Variants in MTUS2 observed in about 807,000 individuals in gnomAD.
The protein encoded by MTUS2 is microtubule-associated tumor suppressor candidate 2.
In MTUS2, 40 loss-of-function variants were observed where a neutral mutation model predicts 114.1. The observed-to-expected ratio is 0.35, with a 90% confidence interval of 0.27 to 0.46. The LOEUF is 0.46. Among genes scored for constraint, MTUS2 ranks in the 20% least tolerant of loss-of-function variants. The pLI, the probability that MTUS2 is intolerant of heterozygous loss-of-function variation, is 1.00. For missense variants in MTUS2, 1,679 were observed against 1,705.4 expected (o/e 0.98, Z 0.27); for synonymous variants, 688 against 672.0 (o/e 1.02, Z -0.37).
chr13:28,884,794 A>G (rs547737009), intron 2 of MTUS2, among the ~76,000 whole-genome samples: 3 of 152,310 alleles, frequency 2.0e-5, no homozygotes, highest in African/African-American at 7.2e-5. Flanking sequence ...CTTCCTGTGA[A>G]TGAATGTATA....
In MTUS2 at chr13:29,404,037, ACATC is replaced by A. The variant is rs1220368551; in HGVS notation, c.3118-35941_3118-35938del. 9.9e-5 allele frequency among the ~76,000 whole-genome samples: 15 copies of A among 152,086 alleles called. No individual in the cohort carries two copies. In the East Asian group the frequency reaches 1.7e-3, roughly 18 times the overall value. Reference sequence around the variant, plus strand: ...CACTCCATCTATACTCTTATTTACTACATCCATCTACTACAGTGGTTTCAAGTCT... The same window carrying A: ...CACTCCATCTATACTCTTATTTACTACATCTACTACAGTGGTTTCAAGTCT... On this transcript the variant is annotated intron_variant, in intron 8 of 15. Transcript: ENST00000612955.
intron 2 of MTUS2, among the ~76,000 whole-genome samples, chr13:28,963,789 C>A (rs78049427): frequency 6.6e-6 from 1 of 152,186 alleles, no homozygotes; most frequent in South Asian, 2.1e-4. Flanking sequence ...CCAGAACTTT[C>A]ATTTGGCAGC....
chr13:28,987,011 G>A (rs1479668864), intron 2 of MTUS2, among the ~76,000 whole-genome samples: 5 of 152,196 alleles, frequency 3.3e-5, no homozygotes, highest in Non-Finnish European at 7.3e-5. Flanking sequence ...CTCCCATGGT[G>A]TTTTGGAGTG....
chr13:29,082,257 G>T (rs1056156972), intron 4 of MTUS2, among the ~76,000 whole-genome samples: 3 of 152,208 alleles, frequency 2.0e-5, no homozygotes, highest in South Asian at 2.1e-4. Context: ...CTAGCCTGCA[G>T]CACTGTGAGA....
chr13:29,196,515 A>G (rs1894708648), intron 5 of MTUS2, among the ~76,000 whole-genome samples: 1 of 152,134 alleles, frequency 6.6e-6, no homozygotes, highest in South Asian at 2.1e-4. Context: ...GTTCAGTAGC[A>G]TTAAGTACAT....
chr13:29,301,181 G>A (rs749759872), intron 6 of MTUS2, among the ~76,000 whole-genome samples: 26 of 152,264 alleles, frequency 1.7e-4, no homozygotes, highest in Non-Finnish European at 2.9e-4. Context: ...AACTGTTGGT[G>A]GTAGCCTTTC....
intron 11 of MTUS2, among the ~76,000 whole-genome samples, chr13:29,491,721 AGGTGTGTGT>A (rs1882112376): frequency 2.4e-5 from 2 of 82,102 alleles, no homozygotes; most frequent in Middle Eastern, 9.4e-3. Context: ...TGTGTGTGGT[AGGTGTGTGT>A]GGGGCGTGTG....
At chr13:29,340,332 A>T (rs1277841374) in intron 7 of MTUS2, among the ~76,000 whole-genome samples, 2 of 152,208 alleles carry the variant, frequency 1.3e-5, no homozygotes, top group African/African-American at 2.4e-5. Flanking sequence ...AGGTCCTGAA[A>T]ACTGCAGATG....
intron 4 of MTUS2, among the ~76,000 whole-genome samples, chr13:29,065,438 G>A (rs982841929): frequency 6.6e-6 from 1 of 152,084 alleles, no homozygotes; most frequent in Non-Finnish European, 1.5e-5. Flanking sequence ...CTTTTGAGAA[G>A]TGTCTGTTCA....
intron 8 of MTUS2, among the ~76,000 whole-genome samples, chr13:29,403,419 A>C (rs1292942747): frequency 2.6e-5 from 4 of 152,192 alleles, no homozygotes; most frequent in Non-Finnish European, 5.9e-5. Context: ...CTGTGATGGC[A>C]AATTTTGCAC....
At chr13:29,344,640 C>T (rs1026232736) in intron 7 of MTUS2, among the ~76,000 whole-genome samples, 8 of 152,056 alleles carry the variant, frequency 5.3e-5, no homozygotes, top group African/African-American at 1.9e-4. Flanking sequence ...AACATTTAGG[C>T]CATTAACATT....
chr13:29,230,960 T>C (rs1428457301), intron 5 of MTUS2, among the ~76,000 whole-genome samples: 2 of 152,204 alleles, frequency 1.3e-5, no homozygotes, highest in Non-Finnish European at 2.9e-5. Context: ...AAAGGATTTC[T>C]TTCAGTACTT....
At chr13:29,374,470 G>A (rs1161266591) in intron 8 of MTUS2, among the ~76,000 whole-genome samples, 2 of 152,112 alleles carry the variant, frequency 1.3e-5, no homozygotes, top group Non-Finnish European at 2.9e-5. Context: ...TTACCTATCG[G>A]GGAACAACAA....
chr13:29,265,036 A>G (rs1444032660), intron 5 of MTUS2, among the ~76,000 whole-genome samples: 1 of 152,210 alleles, frequency 6.6e-6, no homozygotes, highest in African/African-American at 2.4e-5. Flanking sequence ...ACTTTTATGC[A>G]CTGCTTCCCT....
At chr13:29,175,035 G>A (rs541157037) in intron 5 of MTUS2, among the ~76,000 whole-genome samples, 268 of 152,118 alleles carry the variant, frequency 1.8e-3, no homozygotes, top group Non-Finnish European at 3.3e-3. Flanking sequence ...GAATCTAAGG[G>A]GAATATTTAA....
chr13:29,455,055 G>A (rs57269848), intron 9 of MTUS2, among the ~76,000 whole-genome samples: 9,847 of 152,220 alleles, frequency 0.065, 1,050 homozygotes, highest in African/African-American at 0.22. Flanking sequence ...ACTGCCTGGG[G>A]CTACTCACCA....
At position 29,025,779 on chromosome 13, in the gene MTUS2, G is replaced by A. The variant is rs549523366; in HGVS notation, c.1081G>A (p.Gly361Ser). 6.2e-7 allele frequency: 1 copy of A among 1,614,034 alleles called. No individual in the cohort carries two copies. The highest frequency in any genetic ancestry group is 2.2e-5 in the East Asian group (1 of 44,878). ...ACACCCGGAAGCCACCGATGCACTT[G>A]GCCATCTGCTGAACAGTGACCTCCA... ...EAHPEATDAL[G>S]HLLNSDLHHL... Residue 361 changes from glycine to serine, a missense_variant, in exon 3 of 16, where the codon GGC (glycine) becomes AGC (serine). Transcript: ENST00000612955.
At chr13:29,250,857 A>G (rs1408953069) in intron 5 of MTUS2, among the ~76,000 whole-genome samples, 1 of 152,164 alleles carries the variant, frequency 6.6e-6, no homozygotes. Flanking sequence ...ACCCGCAAAA[A>G]ACAATAATCT....
At chr13:28,920,965 C>G (rs1881010401) in intron 2 of MTUS2, among the ~76,000 whole-genome samples, 1 of 152,224 alleles carries the variant, frequency 6.6e-6, no homozygotes, top group Non-Finnish European at 1.5e-5. Context: ...TCCCCTCTGG[C>G]CCAAGGCAGG....
Sources: allele counts gnomAD v4.1 joint callset (sites outside exome capture counted in the v4.1 genomes callset), GRCh38; gene constraint gnomAD v4.1.1; transcripts MANE v1.5; gene names NCBI Gene and HGNC (gene_info 2026-07-23, HGNC 2026-07-21).